The following ZC3H18 variants were observed in gnomAD, a reference collection of about 807,000 sequenced individuals.
The protein encoded by ZC3H18 is zinc finger CCCH-type containing 18, also known as zinc finger CCCH domain-containing protein 18.
Under a neutral mutation model 106.1 loss-of-function variants are expected in ZC3H18, and 8 were observed. That is an observed-to-expected ratio of 0.08 (90% CI 0.04 to 0.14). The LOEUF (loss-of-function observed/expected upper bound fraction) is 0.14, where lower values mean the gene tolerates loss of function less well. Among genes scored for constraint, ZC3H18 ranks in the 10% least tolerant of loss-of-function variants. ZC3H18 has a pLI of 1.00. For missense variants in ZC3H18, 1,318 were observed against 1,278.4 expected, an observed-to-expected ratio of 1.03 and a Z score of -0.47; for synonymous variants, 635 against 522.1, an observed-to-expected ratio of 1.22 and a Z score of -2.95.
At position 88,604,425 on chromosome 16, in the gene ZC3H18, G is replaced by A. The variant is rs956243482; in HGVS notation, c.1088+4477G>A. 5.9e-5 allele frequency among the ~76,000 whole-genome samples: 9 copies of A among 151,566 alleles called. No individual in the cohort carries two copies. In the East Asian group the frequency reaches 1.4e-3, roughly 23 times the overall value. On this transcript the variant is annotated intron_variant, in intron 6 of 17. Transcript: ENST00000301011. ...ATGACGGCCGGGCACAGTGGCTCACGCCTGTAATCCCAGCACTCTGGGAGG... is the reference window on the plus strand; with the variant it reads ...ATGACGGCCGGGCACAGTGGCTCACACCTGTAATCCCAGCACTCTGGGAGG...
intron 8 of ZC3H18, among the ~76,000 whole-genome samples, chr16:88,616,935 T>G (rs1219561605): frequency 6.6e-6 from 1 of 152,144 alleles, no homozygotes; most frequent in Non-Finnish European, 1.5e-5. Flanking sequence ...AGGCTCGTTA[T>G]AGCAGGCACT....
intron 1 of ZC3H18, among the ~76,000 whole-genome samples, chr16:88,570,858 C>G (rs1466361759): frequency 6.6e-6 from 1 of 152,240 alleles, no homozygotes; most frequent in African/African-American, 2.4e-5. Context: ...TTTCCTGAAG[C>G]TGTCATTTCT....
intron 6 of ZC3H18, among the ~76,000 whole-genome samples, chr16:88,604,222 CG>C (rs1904897613): frequency 6.6e-6 from 1 of 151,970 alleles, no homozygotes; most frequent in Admixed American, 6.6e-5. Context: ...CATGGTGGCA[CG>C]CACCTGTAGT....
intron 8 of ZC3H18, among the ~76,000 whole-genome samples, chr16:88,618,251 T>G (rs1905745737): frequency 6.6e-6 from 1 of 152,100 alleles, no homozygotes; most frequent in African/African-American, 2.4e-5. Context: ...TTGGGCTTTT[T>G]CTGTTACGTT....
rs771206232 is a variant in ZC3H18, at chr16:88,577,424, G to T, written c.301G>T (p.Gly101Trp). The change falls in exon 2 of 18, where the codon GGG becomes TGG. Residue 101 changes from glycine to tryptophan, a missense_variant. Around this residue, in one of 6 missense-constraint regions of ZC3H18, gnomAD observed 346 missense variants for 269.0 expected, o/e 1.29. Coordinates refer to ENST00000301011, the MANE Select transcript of ZC3H18 (RefSeq NM_144604.4). The part of the protein sequence containing the change: ...GPTSSPCEEE[G>W]DEGEEDRTSD... ...GACCAGCTCCCCCTGCGAGGAGGAG[G>T]GGGACGAAGGGGAGGAAGACCGGAC... 4 of 1,605,780 alleles carry T rather than the reference G, an allele frequency of 2.5e-6. No individual in the cohort carries two copies. The highest frequency in any genetic ancestry group is 3.4e-6 in the Non-Finnish European group (4 of 1,174,942).
At chr16:88,630,070 G>C (rs1906564252) in intron 16 of ZC3H18, 1 of 175,134 alleles carries the variant, frequency 5.7e-6, no homozygotes, top group Non-Finnish European at 1.2e-5. Context: ...CTGGGCAGTG[G>C]CCCCCCCCTC....
At chr16:88,592,399 C>A (rs1372108524) in intron 3 of ZC3H18, among the ~76,000 whole-genome samples, 1 of 152,142 alleles carries the variant, frequency 6.6e-6, no homozygotes, top group African/African-American at 2.4e-5. Context: ...CATCTGTGAA[C>A]CCCTGGGAGT....
intron 3 of ZC3H18, 76 bp from the exon 4 acceptor site, chr16:88,598,102 A>AC (rs887954623): frequency 2.4e-5 from 3 of 126,616 alleles, no homozygotes; most frequent in African/African-American, 1.2e-4. Context: ...GCCCCCTCCC[A>AC]CCCCCCACCC....
chr16:88,573,018 A>T (rs1264354031), intron 1 of ZC3H18, among the ~76,000 whole-genome samples: 1 of 152,032 alleles, frequency 6.6e-6, no homozygotes, highest in African/African-American at 2.4e-5. Context: ...CAGCCTCCCA[A>T]AGTGCTGGGA....
intron 5 of ZC3H18, 94 bp downstream of exon 5, chr16:88,598,806 C>T (rs1373412743): frequency 7.1e-6 from 8 of 1,134,522 alleles, no homozygotes; most frequent in Non-Finnish European, 3.8e-6. Context: ...AGAGAGAGCC[C>T]CAGAAATCTC....
intron 4 of ZC3H18, 117 bp downstream of exon 4, chr16:88,598,443 C>T (rs1007927363): frequency 6.7e-7 from 1 of 1,500,516 alleles, no homozygotes; most frequent in Non-Finnish European, 9.0e-7. Context: ...CTTTCGGCTG[C>T]TTCTGTCGTC....
chr16:88,630,909 C>G (rs1906645326), intron 17 of ZC3H18, among the ~76,000 whole-genome samples, 192 bp from the exon 18 acceptor site: 1 of 152,252 alleles, frequency 6.6e-6, no homozygotes, highest in Non-Finnish European at 1.5e-5. Flanking sequence ...TCCCAGTCTG[C>G]TCCACAAAGC....
rs1905255097 is a variant in ZC3H18 at position 88,611,273 on chromosome 16, G to A, written c.1212G>A (p.Arg404=). Residue 404 remains arginine, a synonymous_variant, in exon 8 of 18, where the codon AGG becomes AGA. Coordinates refer to ENST00000301011, the MANE Select transcript of ZC3H18 (RefSeq NM_144604.4). ...TGTTTGGCTTTTTAACAAAGGAAAG[G>A]GAGCGGGAGCGAGAGAGAGAGAACA... ...ETEPYHNYRE[R]ERERERENRQ... is the part of the protein sequence containing the mutation. 1.3e-6 allele frequency: 1 copy of A among 768,778 alleles called. No homozygotes were observed. The highest frequency in any genetic ancestry group is 1.7e-5 in the African/African-American group (1 of 58,398). The allele number at this position is 768,778 out of a possible 1,614,324, so 47.6% of individuals were successfully genotyped here.
chr16:88,624,499 C>T, intron 11 of ZC3H18, 103 bp from the exon 12 acceptor site: 1 of 1,547,722 alleles, frequency 6.5e-7, no homozygotes, highest in Non-Finnish European at 8.8e-7. Flanking sequence ...GCGTCACAGG[C>T]ATGCAGTGTC....
chr16:88,631,342 A>G lies in ZC3H18; in HGVS notation c.*43A>G. On this transcript the variant is annotated 3_prime_UTR_variant, in exon 18 of 18. Coordinates refer to ENST00000301011, the MANE Select transcript of ZC3H18 (RefSeq NM_144604.4). ...CTGGACGCATTTTTATACATAGGGT[A>G]AGCGCAGCCATTTTGGATTTTGCAG... 1.3e-6 allele frequency: 2 copies of G among 1,550,686 alleles called. No individual in the cohort carries two copies. The highest frequency in any genetic ancestry group is 8.7e-7 in the Non-Finnish European group (1 of 1,146,562).
intron 3 of ZC3H18, among the ~76,000 whole-genome samples, chr16:88,588,467 G>A (rs1370108070): frequency 1.3e-5 from 2 of 152,186 alleles, no homozygotes; most frequent in East Asian, 1.9e-4. Flanking sequence ...AACAACAGAA[G>A]CACAAAACAG....
At chr16:88,598,424 C>T in intron 4 of ZC3H18, 98 bp downstream of exon 4, 1 of 1,519,158 alleles carries the variant, frequency 6.6e-7, no homozygotes, top group African/African-American at 1.4e-5. Flanking sequence ...AGCACAGGCT[C>T]AGTGCCCCCT....
At position 88,627,431 on chromosome 16, in the gene ZC3H18, G is replaced by T; in HGVS notation, c.2109-191G>T. ...ACCTGACATTGATTAGTGAAATGGG[G>T]CCCTGGCCTAGCCATGGGGACGTCC... is the stretch of plus-strand genomic sequence containing the variant. On this transcript the variant is annotated intron_variant, in intron 13 of 17. Coordinates refer to ENST00000301011, the MANE Select transcript of ZC3H18 (RefSeq NM_144604.4). The surrounding 1 kb of genome is among the most constrained non-coding windows in gnomAD (Gnocchi z 4.5). 1.5e-6 allele frequency: 1 copy of T among 649,476 alleles called. No homozygotes were observed. The highest frequency in any genetic ancestry group is 2.5e-6 in the Non-Finnish European group (1 of 406,210). 40.2% of individuals were successfully genotyped at this position (649,476 alleles called of 1,614,324 possible).
At chr16:88,613,600 A>G (rs1307291631) in intron 8 of ZC3H18, among the ~76,000 whole-genome samples, 2 of 152,162 alleles carry the variant, frequency 1.3e-5, no homozygotes, top group African/African-American at 2.4e-5. Flanking sequence ...GATGATAATG[A>G]GAGCATCTTC....
Sources: allele counts gnomAD v4.1 joint callset (sites outside exome capture counted in the v4.1 genomes callset), GRCh38; gene constraint gnomAD v4.1.1; regional missense constraint gnomAD v4.1.1; non-coding constraint Gnocchi (gnomAD v3.1); transcripts MANE v1.5; gene names NCBI Gene and HGNC (gene_info 2026-07-23, HGNC 2026-07-21).